The following TTC28 variants were observed in gnomAD, a reference collection of about 807,000 sequenced individuals.
The protein encoded by TTC28 is tetratricopeptide repeat domain 28.
In TTC28, 61 loss-of-function variants were observed where a neutral mutation model predicts 198.0. The observed-to-expected ratio is 0.31, with a 90% CI of 0.25 to 0.38. The LOEUF is 0.38. Ranked by LOEUF, TTC28 falls within the 10% of genes least tolerant of loss-of-function variation. The pLI is 1.00. For missense variants in TTC28, 2,678 were observed against 3,164.0 expected, an observed-to-expected ratio of 0.85 and a Z score of 3.69; for synonymous variants, 1,171 against 1,297.8, an observed-to-expected ratio of 0.90 and a Z score of 2.10.
intron 6 of TTC28, among the ~76,000 whole-genome samples, chr22:28,153,424 GTTTT>G (rs1379101322): frequency 7.4e-6 from 1 of 135,090 alleles, no homozygotes; most frequent in African/African-American, 2.7e-5. Flanking sequence ...AAAAACCTTC[GTTTT>G]TTGTTTTTTG....
chr22:28,255,422 C>A (rs1247383762), intron 5 of TTC28, among the ~76,000 whole-genome samples: 1 of 152,134 alleles, frequency 6.6e-6, no homozygotes, highest in African/African-American at 2.4e-5. Flanking sequence ...GTGGCTCACA[C>A]CTGTAATCCC....
At chr22:28,653,241 T>C (rs1236932573) in intron 1 of TTC28, among the ~76,000 whole-genome samples, 4 of 152,300 alleles carry the variant, frequency 2.6e-5, no homozygotes, top group South Asian at 4.1e-4. Context: ...TGGTGGCTCA[T>C]GCCTGTAATC....
intron 2 of TTC28, among the ~76,000 whole-genome samples, chr22:28,423,754 G>A (rs2047302414): frequency 1.3e-5 from 2 of 152,186 alleles, no homozygotes; most frequent in South Asian, 2.1e-4. Context: ...ACAGCAGGCA[G>A]AAGTTGGATT....
At position 27,998,887 on chromosome 22, in the gene TTC28, T is replaced by G; in HGVS notation, c.4772A>C (p.Asp1591Ala). Residue 1591 changes from aspartate to alanine, a missense_variant, in exon 16 of 23, where the codon GAT becomes GCT. Coordinates refer to ENST00000397906, the MANE Select transcript of TTC28 (RefSeq NM_001145418.2). ...CGGGCAGTCCGAGATGCTCTCCCCA[T>G]CACTGGCATCGTCCTGCACCCGCAA... The part of the protein sequence containing the change: ...ESLRVQDDAS[D>A]GESISDCPPL... 6.4e-7 allele frequency: 1 copy of G among 1,550,388 alleles called. No individual in the cohort carries two copies. The highest frequency in any genetic ancestry group is 8.7e-7 in the Non-Finnish European group (1 of 1,146,952).
chr22:28,678,749 A>C (rs374150110), intron 1 of TTC28, among the ~76,000 whole-genome samples: 18 of 147,322 alleles, frequency 1.2e-4, no homozygotes, highest in East Asian at 4.1e-4. Flanking sequence ...GATCATCTAC[A>C]GTGTGTCAGG....
chr22:28,034,225 T>C (rs1939241426), intron 12 of TTC28, among the ~76,000 whole-genome samples: 1 of 151,868 alleles, frequency 6.6e-6, no homozygotes, highest in African/African-American at 2.4e-5. Context: ...AGAGGATAAC[T>C]CGAGGGAGAC....
At chr22:28,215,639 T>C (rs1927330859) in intron 5 of TTC28, among the ~76,000 whole-genome samples, 2 of 152,260 alleles carry the variant, frequency 1.3e-5, no homozygotes, top group East Asian at 1.9e-4. Context: ...TGTGTGTGTA[T>C]GTGTAAGAGA....
chr22:28,161,546 C>T (rs559209835), intron 6 of TTC28, among the ~76,000 whole-genome samples: 9 of 151,964 alleles, frequency 5.9e-5, no homozygotes, highest in African/African-American at 9.7e-5. Context: ...TCTAGCTACT[C>T]GGGAGGCTGA....
chr22:28,330,928 G>A (rs887005071), intron 2 of TTC28, among the ~76,000 whole-genome samples: 2 of 152,116 alleles, frequency 1.3e-5, no homozygotes, highest in Non-Finnish European at 2.9e-5. Context: ...TGTATTTTTA[G>A]GTCAGTTATC....
chr22:28,505,924 C>A (rs1373007661), intron 2 of TTC28, among the ~76,000 whole-genome samples: 3 of 152,214 alleles, frequency 2.0e-5, no homozygotes, highest in African/African-American at 7.2e-5. Context: ...CCACCGTCTC[C>A]GTGGTTCAGT....
chr22:28,000,348 C>T (rs1472796718), intron 15 of TTC28: 1 of 152,290 alleles, frequency 6.6e-6, no homozygotes, highest in Admixed American at 6.5e-5. Flanking sequence ...GCAGCCAAGA[C>T]AGGTCCTGTG....
At chr22:28,520,889 C>A (rs1463639291) in intron 2 of TTC28, among the ~76,000 whole-genome samples, 2 of 152,060 alleles carry the variant, frequency 1.3e-5, no homozygotes, top group Non-Finnish European at 2.9e-5. Context: ...CCCGTCTCTA[C>A]TAAAAATACA....
In TTC28 at chr22:28,412,361, C is replaced by T. The variant is rs1335192956; in HGVS notation, c.382-105718G>A. ...GCATCCTCCACTATGTGGCGGGGGG[C>T]GGGGGGAGAGGGCAGAAGTGGGAGA... is the stretch of plus-strand genomic sequence containing the variant. On this transcript the variant is annotated intron_variant, in intron 2 of 22. Transcript: ENST00000397906. Among the ~76,000 whole-genome samples, 7 of 150,620 alleles carry T rather than the reference C, an allele frequency of 4.6e-5. No individual in the cohort carries two copies. The East Asian group carries it at 5.9e-4, about 13-fold the overall frequency.
At chr22:28,600,741 C>T (rs554520401) in intron 2 of TTC28, among the ~76,000 whole-genome samples, 2 of 152,236 alleles carry the variant, frequency 1.3e-5, no homozygotes, top group African/African-American at 4.8e-5. Context: ...CACAAGAGGG[C>T]GCACAAGTCT....
intron 2 of TTC28, among the ~76,000 whole-genome samples, chr22:28,346,911 C>G (rs1259310920): frequency 1.3e-5 from 2 of 152,112 alleles, no homozygotes; most frequent in Non-Finnish European, 2.9e-5. Flanking sequence ...CAAGCAAAAA[C>G]AAACAACAAA....
chr22:27,985,383 T>TG, intron 21 of TTC28, 27 bp from the exon 22 acceptor site: 1 of 1,519,960 alleles, frequency 6.6e-7, no homozygotes. Flanking sequence ...TATAAGCATC[T>TG]GCTTCCTTCG....
chr22:28,435,870 G>A (rs2047512178), intron 2 of TTC28, among the ~76,000 whole-genome samples: 1 of 152,176 alleles, frequency 6.6e-6, no homozygotes, highest in South Asian at 2.1e-4. Flanking sequence ...TTAGTCTGGT[G>A]GTTTACAACC....
At chr22:28,304,596 T>A (rs1169025228) in intron 3 of TTC28, among the ~76,000 whole-genome samples, 1 of 152,160 alleles carries the variant, frequency 6.6e-6, no homozygotes, top group Non-Finnish European at 1.5e-5. Flanking sequence ...GGAAAGAACC[T>A]GGTAGAGAAA....
At position 28,676,950 on chromosome 22, in the gene TTC28, T is replaced by C. The variant is rs541248468; in HGVS notation, c.102+2672A>G. On this transcript the variant is annotated intron_variant, in intron 1 of 22. Coordinates refer to ENST00000397906, the MANE Select transcript of TTC28 (RefSeq NM_001145418.2). ...AGGGTGGATCATTTGAGATCGGGAG[T>C]TCAAAACCAGCCTGGACAACATGGT... Among the ~76,000 whole-genome samples, 44 of 150,352 alleles carry C rather than the reference T, an allele frequency of 2.9e-4. 1 individual carries two copies. Among genetic ancestry groups the C allele is most frequent in the African/African-American group, 1.0e-3 (42 of 40,824 alleles).
Sources: allele counts gnomAD v4.1 joint callset (sites outside exome capture counted in the v4.1 genomes callset), GRCh38; gene constraint gnomAD v4.1.1; transcripts MANE v1.5; gene names NCBI Gene and HGNC (gene_info 2026-07-23, HGNC 2026-07-21).